GRM7: variants seen among roughly 807,000 people sequenced by gnomAD.
GRM7 encodes the protein glutamate metabotropic receptor 7.
In GRM7, 35 loss-of-function variants were observed where a neutral mutation model predicts 84.5. That is an observed-to-expected ratio of 0.41 (90% CI 0.32 to 0.55). The LOEUF is 0.55. GRM7 is among the 20% of genes least tolerant of loss of function. The pLI, the probability that GRM7 is intolerant of heterozygous loss-of-function variation, is 0.19. For synonymous variants in GRM7, 487 were observed against 455.1 expected, an observed-to-expected ratio of 1.07 and a Z score of -0.89; for missense variants, 1,003 against 1,194.6, an observed-to-expected ratio of 0.84 and a Z score of 2.36.
intron 9 of GRM7, among the ~76,000 whole-genome samples, chr3:7,699,408 A>G (rs990892220): frequency 1.3e-5 from 2 of 152,170 alleles, no homozygotes; most frequent in African/African-American, 4.8e-5. Context: ...AAACCAGGGG[A>G]TATGTATTTA....
intron 7 of GRM7, among the ~76,000 whole-genome samples, chr3:7,573,723 C>T (rs1694822607): frequency 1.3e-5 from 2 of 152,204 alleles, no homozygotes; most frequent in Non-Finnish European, 2.9e-5. Flanking sequence ...GAGTCAGAAG[C>T]AATGGAGTCA....
intron 8 of GRM7, among the ~76,000 whole-genome samples, chr3:7,653,561 A>G (rs558335896): frequency 2.0e-5 from 3 of 152,250 alleles, no homozygotes; most frequent in African/African-American, 7.2e-5. Flanking sequence ...AAGTCTCTCC[A>G]TGGCCACCAG....
intron 4 of GRM7, among the ~76,000 whole-genome samples, chr3:7,402,834 C>T (rs1304189359): frequency 6.6e-6 from 1 of 150,378 alleles, no homozygotes; most frequent in African/African-American, 2.4e-5. Context: ...ATTCTTTTTC[C>T]CCTCTCAGAC....
intron 3 of GRM7, among the ~76,000 whole-genome samples, chr3:7,304,337 TTAA>T (rs1467071717): frequency 7.2e-6 from 1 of 138,448 alleles, no homozygotes; most frequent in Non-Finnish European, 1.6e-5. Flanking sequence ...TCTTGAGAGG[TTAA>T]TAATATCATT....
At chr3:7,098,908 T>C (rs1995201) in intron 1 of GRM7, among the ~76,000 whole-genome samples, 46,754 of 151,758 alleles carry the variant, frequency 0.31, 8,818 homozygotes, top group African/African-American at 0.54. Context: ...AGAAATAATA[T>C]ATATGCACAA....
At chr3:7,043,191 C>G (rs1335079284) in intron 1 of GRM7, among the ~76,000 whole-genome samples, 1 of 152,136 alleles carries the variant, frequency 6.6e-6, no homozygotes, top group Admixed American at 6.6e-5. Flanking sequence ...AGGCAGTTAC[C>G]CCACACTCAT....
At position 7,235,591 on chromosome 3, in the gene GRM7, C is replaced by T. The variant is rs558170350; in HGVS notation, c.737-63093C>T. On this transcript the variant is annotated intron_variant, in intron 2 of 9. Coordinates refer to ENST00000357716, the MANE Select transcript of GRM7 (RefSeq NM_000844.4). ...TCTAAGCCACCAAGGAAATTCTTTA[C>T]GGAGAGTGGCAGCACATTCCTCATC... Among the ~76,000 whole-genome samples the T allele has an allele frequency of 4.6e-5, 7 of 152,286 alleles. No individual in the cohort carries two copies. In the East Asian group the frequency reaches 1.2e-3, roughly 25 times the overall value.
At chr3:6,998,692 T>A (rs1694911017) in intron 1 of GRM7, among the ~76,000 whole-genome samples, 1 of 152,242 alleles carries the variant, frequency 6.6e-6, no homozygotes, top group African/African-American at 2.4e-5. Flanking sequence ...AATTGTTGAC[T>A]TCTGTGTACC....
intron 8 of GRM7, among the ~76,000 whole-genome samples, chr3:7,586,111 C>T (rs1695506763): frequency 6.6e-6 from 1 of 152,094 alleles, no homozygotes; most frequent in South Asian, 2.1e-4. Context: ...CTAATTATTC[C>T]TACCTCTAGG....
chr3:7,599,285 CTG>C (rs1046579843), intron 8 of GRM7, among the ~76,000 whole-genome samples: 13 of 152,130 alleles, frequency 8.5e-5, no homozygotes, highest in Admixed American at 1.3e-4. Flanking sequence ...AAATTCAACA[CTG>C]TGAATTTTAA....
intron 7 of GRM7, among the ~76,000 whole-genome samples, chr3:7,493,777 A>T (rs7641008): frequency 6.6e-6 from 1 of 151,998 alleles, no homozygotes; most frequent in South Asian, 2.1e-4. Flanking sequence ...CCTTTGTGTT[A>T]CTTGAACATT....
intron 9 of GRM7, among the ~76,000 whole-genome samples, chr3:7,736,597 C>G (rs1255387976): frequency 6.6e-6 from 1 of 152,064 alleles, no homozygotes; most frequent in Non-Finnish European, 1.5e-5. Context: ...AGTTTATGGA[C>G]AACACTGTAG....
intron 4 of GRM7, among the ~76,000 whole-genome samples, chr3:7,340,979 C>G (rs1266634739): frequency 6.6e-6 from 1 of 152,124 alleles, no homozygotes; most frequent in East Asian, 1.9e-4. Context: ...GGCTCTGCCT[C>G]TCACAGCTTC....
chr3:6,906,932 A>G (rs1168541659), intron 1 of GRM7, among the ~76,000 whole-genome samples: 1 of 152,224 alleles, frequency 6.6e-6, no homozygotes, highest in African/African-American at 2.4e-5. Flanking sequence ...GAATTTGGAC[A>G]TATGCGAACA....
chr3:7,283,285 A>G (rs375534034), intron 2 of GRM7, among the ~76,000 whole-genome samples: 3 of 152,198 alleles, frequency 2.0e-5, no homozygotes, highest in African/African-American at 7.2e-5. Flanking sequence ...TGAAGGCAAG[A>G]GTAGTTTCAA....
chr3:7,055,477 C>A (rs564648612), intron 1 of GRM7, among the ~76,000 whole-genome samples: 30 of 143,666 alleles, frequency 2.1e-4, no homozygotes, highest in Admixed American at 1.3e-3. Context: ...TTTTATATAT[C>A]TGTGTGTGTG....
intron 5 of GRM7, among the ~76,000 whole-genome samples, chr3:7,428,847 T>C (rs552050622): frequency 9.2e-5 from 14 of 152,330 alleles, no homozygotes; most frequent in Middle Eastern, 3.4e-3. Context: ...CTGTTGTTAA[T>C]TTTCTTCATT....
chr3:7,160,488 G>GCT (rs1327354487), intron 2 of GRM7, among the ~76,000 whole-genome samples: 1 of 152,066 alleles, frequency 6.6e-6, no homozygotes, highest in Non-Finnish European at 1.5e-5. Flanking sequence ...CACCCTCAGT[G>GCT]CTCTCTCTCT....
intron 7 of GRM7, among the ~76,000 whole-genome samples, chr3:7,552,159 C>A (rs565063935): frequency 1.8e-4 from 28 of 152,342 alleles, no homozygotes; most frequent in African/African-American, 6.7e-4. Flanking sequence ...TGAAATCCAG[C>A]CAGGCAGTCA....
Sources: allele counts gnomAD v4.1 joint callset (sites outside exome capture counted in the v4.1 genomes callset), GRCh38; gene constraint gnomAD v4.1.1; transcripts MANE v1.5; gene names NCBI Gene and HGNC (gene_info 2026-07-23, HGNC 2026-07-21).